The following CRTC3 variants were observed in gnomAD, a reference collection of about 807,000 sequenced individuals.
The protein encoded by CRTC3 is CREB-regulated transcription coactivator 3.
A neutral mutation model predicts 74.5 loss-of-function variants in CRTC3; 26 were observed. That is an observed-to-expected ratio of 0.35 (90% CI 0.26 to 0.48). The LOEUF is 0.48. Among genes scored for constraint, CRTC3 ranks in the 20% least tolerant of loss-of-function variants. The probability of loss-of-function intolerance (pLI) is 0.99; values close to 1 mark genes in which losing one functional copy is unlikely to be tolerated. For synonymous variants in CRTC3, 377 were observed against 325.8 expected, an observed-to-expected ratio of 1.16 and a Z score of -1.69; for missense variants, 760 against 787.3, an observed-to-expected ratio of 0.97 and a Z score of 0.41.
chr15:90,641,111 A>C lies in CRTC3; in HGVS notation c.1563A>C (p.Gln521His). Residue 521 changes from glutamine (Q) to histidine (H), a missense_variant, in exon 14 of 15, where the codon CAA becomes CAC. By Grantham distance (24) the Gln-to-His change is conservative. Around this residue, in one of 2 missense-constraint regions of CRTC3, gnomAD observed 652 missense variants for 635.2 expected, o/e 1.03. Transcript: ENST00000268184. Reference sequence around the variant, plus strand: ...GATGCTTCCAGGTGCCTCTGGTGCAACAAGGTTCCCGAGAACTGCAGGACT... The same window carrying C: ...GATGCTTCCAGGTGCCTCTGGTGCACCAAGGTTCCCGAGAACTGCAGGACT... ...PAFPQQVPLV[Q>H]QGSRELQDSF... 1 of 1,613,698 alleles carries C rather than the reference A, an allele frequency of 6.2e-7. No individual in the cohort carries two copies. The highest frequency in any genetic ancestry group is 8.5e-7 in the Non-Finnish European group (1 of 1,179,710).
chr15:90,566,542 T>A (rs1408634143), intron 2 of CRTC3, among the ~76,000 whole-genome samples: 1 of 97,526 alleles, frequency 1.0e-5, no homozygotes, highest in African/African-American at 3.1e-5. Flanking sequence ...AGACCAAGAC[T>A]CTGTCTATTA....
At chr15:90,635,125 TTATAA>T (rs1407695323) in intron 11 of CRTC3, 4 of 566,262 alleles carry the variant, frequency 7.1e-6, no homozygotes. Context: ...TCCATATTTC[TTATAA>T]TAAACTAATG....
intron 6 of CRTC3, among the ~76,000 whole-genome samples, chr15:90,610,938 C>T (rs1042684825): frequency 6.6e-6 from 1 of 152,194 alleles, no homozygotes; most frequent in Non-Finnish European, 1.5e-5. Context: ...GACCACAGTA[C>T]TCAGCTCCTT....
In CRTC3 at chr15:90,607,372, C is replaced by A; in HGVS notation, c.477-6C>A. ...TTTCAGCCAGCCTCTCTCCTCCCCTCCTTAGGACCAATTCTGATTCTGCTC... is the reference window on the plus strand; with the variant it reads ...TTTCAGCCAGCCTCTCTCCTCCCCTACTTAGGACCAATTCTGATTCTGCTC... On this transcript the variant is annotated splice_polypyrimidine_tract_variant and splice_region_variant and intron_variant, in intron 5 of 14. Coordinates refer to ENST00000268184, the MANE Select transcript of CRTC3 (RefSeq NM_022769.5). 1 of 1,597,876 alleles carries A rather than the reference C, an allele frequency of 6.3e-7. No homozygotes were observed. Among genetic ancestry groups the A allele is most frequent in the South Asian group, 1.1e-5 (1 of 89,950 alleles).
intron 2 of CRTC3, among the ~76,000 whole-genome samples, chr15:90,585,231 A>T (rs1283473697): frequency 2.6e-5 from 4 of 152,030 alleles, no homozygotes; most frequent in Non-Finnish European, 5.9e-5. Flanking sequence ...TGCAGCCTCC[A>T]CCTCCTGTGC....
intron 2 of CRTC3, among the ~76,000 whole-genome samples, chr15:90,582,325 T>C (rs776955263): frequency 6.6e-6 from 1 of 152,216 alleles, no homozygotes; most frequent in Non-Finnish European, 1.5e-5. Context: ...TGTGGAGGCT[T>C]GGGTGGCGCT....
chr15:90,641,630 G>A (rs1969446642), intron 14 of CRTC3, among the ~76,000 whole-genome samples: 2 of 151,716 alleles, frequency 1.3e-5, no homozygotes, highest in African/African-American at 4.9e-5. Flanking sequence ...CCAGGAGGTG[G>A]AGCTTGCAGT....
chr15:90,635,581 G>A (rs991184122), intron 11 of CRTC3, among the ~76,000 whole-genome samples: 2 of 152,168 alleles, frequency 1.3e-5, no homozygotes, highest in African/African-American at 2.4e-5. Context: ...GGAGGTGGAG[G>A]TTGCAGTGAG....
At chr15:90,551,464 G>A (rs890115913) in intron 2 of CRTC3, among the ~76,000 whole-genome samples, 8 of 151,842 alleles carry the variant, frequency 5.3e-5, no homozygotes, top group African/African-American at 1.9e-4. Flanking sequence ...CAGTTCCTTG[G>A]TTGCATTAAG....
Position 90,541,782 on chromosome 15 carries a change from C to CTTTTTTTTTTTTTTTTTTTTTTTTTTT in CRTC3, c.231+1652_231+1653insTTTTTTTTTTTTTTTTTTTTTTTTTTT, listed in dbSNP as rs11426969. ...GATAATCCTTGGCCTTCCCAGGATT[C>CTTTTTTTTTTTTTTTTTTTTTTTTTTT]TTTTTTTCTTTTTTTTTTTTTGAGA... is the stretch of plus-strand genomic sequence containing the variant. On this transcript the variant is annotated intron_variant, in intron 2 of 14. Coordinates refer to ENST00000268184, the MANE Select transcript of CRTC3 (RefSeq NM_022769.5). Among the ~76,000 whole-genome samples the CTTTTTTTTTTTTTTTTTTTTTTTTTTT allele has an allele frequency of 2.5e-5, 3 of 120,100 alleles. 1 individual carries two copies. Among genetic ancestry groups the CTTTTTTTTTTTTTTTTTTTTTTTTTTT allele is most frequent in the African/African-American group, 3.2e-5 (1 of 30,998 alleles). 78.8% of individuals were successfully genotyped at this position (120,100 alleles called of 152,430 possible). A position where few individuals can be genotyped will look rare whatever the true frequency, so the allele number is the denominator to read the frequency against.
intron 3 of CRTC3, among the ~76,000 whole-genome samples, chr15:90,601,963 C>G (rs981394900): frequency 6.6e-6 from 1 of 152,116 alleles, no homozygotes. Flanking sequence ...AACACTGTTT[C>G]CAGGGGGTGA....
At chr15:90,550,640 C>A (rs972898315) in intron 2 of CRTC3, among the ~76,000 whole-genome samples, 1 of 151,994 alleles carries the variant, frequency 6.6e-6, no homozygotes, top group African/African-American at 2.4e-5. Context: ...TGTCCTCATG[C>A]AGATAATCCA....
intron 4 of CRTC3, among the ~76,000 whole-genome samples, chr15:90,602,653 AAAC>A (rs145435527): frequency 0.93 from 140,192 of 150,314 alleles, 65,549 homozygotes; most frequent in Middle Eastern, 0.98. Context: ...CAAACAAACA[AAAC>A]AACAACAACA....
At chr15:90,614,739 C>T (rs1968445010) in intron 7 of CRTC3, among the ~76,000 whole-genome samples, 1 of 152,092 alleles carries the variant, frequency 6.6e-6, no homozygotes, top group Non-Finnish European at 1.5e-5. Flanking sequence ...CAAGGTTGAG[C>T]AAGGAACCAA....
intron 6 of CRTC3, 40 bp downstream of exon 6, chr15:90,607,518 C>T (rs1046959716): frequency 4.6e-5 from 58 of 1,271,258 alleles, no homozygotes; most frequent in Non-Finnish European, 6.4e-5. Flanking sequence ...GCTGTGCTTG[C>T]TCATTCTGTC....
At chr15:90,594,081 A>T (rs1338046222) in intron 3 of CRTC3, 1 of 193,512 alleles carries the variant, frequency 5.2e-6, no homozygotes, top group Non-Finnish European at 1.1e-5. Context: ...ACTTTGAATC[A>T]GGTTAGAGAG....
chr15:90,630,794 G>A lies in CRTC3; in HGVS notation c.1266+1262G>A, dbSNP rs1167344854. On this transcript the variant is annotated intron_variant, in intron 11 of 14. Coordinates refer to ENST00000268184, the MANE Select transcript of CRTC3 (RefSeq NM_022769.5). ...TTTTTTTTTTTTTTTTTTTTGAGAC[G>A]GAGTCTCGCTCTGTCGCCCAGGTCG... Among the ~76,000 whole-genome samples the A allele has an allele frequency of 2.7e-4, 9 of 33,222 alleles. 1 individual carries two copies. The highest frequency in any genetic ancestry group is 4.5e-4 in the African/African-American group (6 of 13,450). 21.8% of individuals were successfully genotyped at this position (33,222 alleles called of 152,430 possible).
In CRTC3 at chr15:90,625,906, G is replaced by A. The variant is rs759930331; in HGVS notation, c.880G>A (p.Asp294Asn). The change falls in exon 10 of 15, where the codon GAC becomes AAC. Residue 294 changes from aspartate to asparagine, a missense_variant. Physicochemically the swap from Asp to Asn is conservative, Grantham distance 23. Coordinates refer to ENST00000268184, the MANE Select transcript of CRTC3 (RefSeq NM_022769.5). ...CCTGCCAGCCTCCCTGGACACCACCGACCACCACTTTGGCAGTATGAGTGT... is the reference window on the plus strand; with the variant it reads ...CCTGCCAGCCTCCCTGGACACCACCAACCACCACTTTGGCAGTATGAGTGT... Reference protein sequence around the residue: ...TPLPASLDTTDHHFGSMSVGN... With the variant: ...TPLPASLDTTNHHFGSMSVGN... 38 of 1,613,954 alleles carry A rather than the reference G, an allele frequency of 2.4e-5. No individual in the cohort carries two copies. The highest frequency in any genetic ancestry group is 2.5e-5 in the Non-Finnish European group (29 of 1,180,020).
chr15:90,624,542 G>A (rs1487132579), intron 9 of CRTC3, among the ~76,000 whole-genome samples: 6 of 151,998 alleles, frequency 3.9e-5, no homozygotes, highest in Middle Eastern at 3.4e-3. Context: ...TTAATTCCAC[G>A]CACACACTGT....
Sources: allele counts gnomAD v4.1 joint callset (sites outside exome capture counted in the v4.1 genomes callset), GRCh38; gene constraint gnomAD v4.1.1; regional missense constraint gnomAD v4.1.1; transcripts MANE v1.5; gene names NCBI Gene and HGNC (gene_info 2026-07-23, HGNC 2026-07-21).